Variants in PAX7 observed in about 807,000 individuals in gnomAD.
PAX7 encodes paired box 7.
Under a neutral mutation model 50.7 loss-of-function variants are expected in PAX7, and 18 were observed. That is an observed-to-expected ratio of 0.36 (90% CI 0.25 to 0.53). The LOEUF (loss-of-function observed/expected upper bound fraction) is 0.53, where lower values mean the gene tolerates loss of function less well. Among genes scored for constraint, PAX7 ranks in the 20% least tolerant of loss-of-function variants. The pLI is 0.93. For synonymous variants in PAX7, 310 were observed against 290.4 expected, an observed-to-expected ratio of 1.07 and a Z score of -0.69; for missense variants, 644 against 702.9, an observed-to-expected ratio of 0.92 and a Z score of 0.95.
intron 3 of PAX7, among the ~76,000 whole-genome samples, chr1:18,635,685 A>C (rs1369423198): frequency 5.3e-5 from 8 of 152,066 alleles, no homozygotes; most frequent in Non-Finnish European, 1.0e-4. Context: ...GTGGATGCCC[A>C]TGGGCTTCCC....
chr1:18,710,056 G>A (rs1418827895), intron 7 of PAX7, among the ~76,000 whole-genome samples: 1 of 152,206 alleles, frequency 6.6e-6, no homozygotes, highest in Non-Finnish European at 1.5e-5. Context: ...AGGCCTCTGG[G>A]CAGCCAGTTC....
chr1:18,682,599 C>T (rs890194333), intron 4 of PAX7, among the ~76,000 whole-genome samples: 1 of 152,154 alleles, frequency 6.6e-6, no homozygotes, highest in Non-Finnish European at 1.5e-5. Flanking sequence ...ACATTAGAAT[C>T]CCACCCTGCC....
chr1:18,666,044 C>T (rs1004740940), intron 4 of PAX7, among the ~76,000 whole-genome samples: 1 of 152,126 alleles, frequency 6.6e-6, no homozygotes, highest in Non-Finnish European at 1.5e-5. Context: ...CATTGTGGCT[C>T]CAGCCTGTAA....
chr1:18,709,600 A>C (rs932419566), intron 7 of PAX7, among the ~76,000 whole-genome samples: 10 of 152,162 alleles, frequency 6.6e-5, no homozygotes, highest in Admixed American at 3.9e-4. Flanking sequence ...TGCTGACCCC[A>C]CTTGCCCTCC....
chr1:18,688,215 T>G (rs1215130786), intron 4 of PAX7, among the ~76,000 whole-genome samples: 1 of 152,202 alleles, frequency 6.6e-6, no homozygotes. Context: ...TGAGTATCAT[T>G]TCCTGTAAAT....
chr1:18,705,901 G>A (rs1424584101), intron 7 of PAX7, among the ~76,000 whole-genome samples: 1 of 152,230 alleles, frequency 6.6e-6, no homozygotes, highest in East Asian at 1.9e-4. Flanking sequence ...CATCAAAGGT[G>A]TGAAGACAGA....
At chr1:18,744,296 A>G (rs12068377) in intron 8 of PAX7, among the ~76,000 whole-genome samples, 2,019 of 152,298 alleles carry the variant, frequency 0.013, 42 homozygotes, top group African/African-American at 0.046. Flanking sequence ...TTCTTTGCTC[A>G]GCAATGTGGG....
intron 7 of PAX7, among the ~76,000 whole-genome samples, chr1:18,708,507 A>C (rs1023422436): frequency 2.0e-5 from 3 of 152,106 alleles, no homozygotes; most frequent in Non-Finnish European, 4.4e-5. Flanking sequence ...GTGAGCTGTG[A>C]TTGTGCCACT....
At chr1:18,650,383 G>C (rs2088412761) in intron 4 of PAX7, among the ~76,000 whole-genome samples, 1 of 152,234 alleles carries the variant, frequency 6.6e-6, no homozygotes, top group Non-Finnish European at 1.5e-5. Flanking sequence ...CCAGAAAGCA[G>C]TTACACACTC....
intron 5 of PAX7, among the ~76,000 whole-genome samples, chr1:18,692,635 T>C (rs2089089546): frequency 6.6e-6 from 1 of 152,216 alleles, no homozygotes; most frequent in Non-Finnish European, 1.5e-5. Context: ...AAATCTCTGA[T>C]GAGCAGAGGA....
rs1400553546 is a variant in PAX7, at chr1:18,634,914, G to T, written c.322-197G>T. Reference sequence around the variant, plus strand: ...TCCATGTCCCACCCCACCCCACCTGGCCAGACCCCCAGCTGCCTTCCTGGG... The same window carrying T: ...TCCATGTCCCACCCCACCCCACCTGTCCAGACCCCCAGCTGCCTTCCTGGG... On this transcript the variant is annotated intron_variant, in intron 2 of 8. Coordinates refer to ENST00000420770, the MANE Select transcript of PAX7 (RefSeq NM_001135254.2). The surrounding 1 kb of genome is among the most constrained non-coding windows in gnomAD (Gnocchi z 4.0). 6.6e-6 allele frequency among the ~76,000 whole-genome samples: 1 copy of T among 152,054 alleles called. No individual in the cohort carries two copies. Among genetic ancestry groups the T allele is most frequent in the Non-Finnish European group, 1.5e-5 (1 of 68,002 alleles).
In PAX7 at chr1:18,631,717, G is replaced by C. The variant is rs1273404305; in HGVS notation, c.85+29G>C. 6 of 1,575,118 alleles carry C rather than the reference G, an allele frequency of 3.8e-6. No homozygotes were observed. The African/African-American group carries it at 5.4e-5, about 14-fold the overall frequency. On this transcript the variant is annotated intron_variant, in intron 1 of 8. Coordinates refer to ENST00000420770, the MANE Select transcript of PAX7 (RefSeq NM_001135254.2). Reference sequence around the variant, plus strand: ...AGAACGCCCAGGCTGGCCTCGCCGCGACTCCGCCGCCCGGAACTCGGGGTC... The same window carrying C: ...AGAACGCCCAGGCTGGCCTCGCCGCCACTCCGCCGCCCGGAACTCGGGGTC...
At chr1:18,657,705 T>G (rs1292529135) in intron 4 of PAX7, among the ~76,000 whole-genome samples, 2 of 152,156 alleles carry the variant, frequency 1.3e-5, no homozygotes, top group Non-Finnish European at 1.5e-5. Context: ...GATCTGCGAC[T>G]GCAGTGGTGG....
At chr1:18,676,506 G>T (rs925858209) in intron 4 of PAX7, among the ~76,000 whole-genome samples, 4 of 150,916 alleles carry the variant, frequency 2.7e-5, no homozygotes, top group Non-Finnish European at 5.9e-5. Context: ...GGGGAGGGGA[G>T]GGGAGGGGAA....
intron 4 of PAX7, among the ~76,000 whole-genome samples, chr1:18,666,544 C>T (rs780699711): frequency 2.6e-5 from 4 of 152,190 alleles, no homozygotes; most frequent in Admixed American, 6.5e-5. Context: ...TAAGGGCCTG[C>T]GGTCAGCTTT....
intron 7 of PAX7, among the ~76,000 whole-genome samples, chr1:18,714,104 G>A (rs1032749778): frequency 5.9e-5 from 9 of 152,056 alleles, no homozygotes; most frequent in Admixed American, 3.9e-4. Flanking sequence ...CCAGCTACTC[G>A]GCTGAGGCAG....
At chr1:18,707,300 T>A (rs1365308965) in intron 7 of PAX7, among the ~76,000 whole-genome samples, 2 of 152,170 alleles carry the variant, frequency 1.3e-5, no homozygotes, top group Non-Finnish European at 2.9e-5. Flanking sequence ...GACTTTCAGA[T>A]CCTGCTCTGG....
At chr1:18,712,009 C>A (rs2089357510) in intron 7 of PAX7, among the ~76,000 whole-genome samples, 1 of 152,216 alleles carries the variant, frequency 6.6e-6, no homozygotes, top group South Asian at 2.1e-4. Flanking sequence ...GGCTGCCCGT[C>A]CACTCTGCTC....
chr1:18,644,221 C>G (rs1297690697), intron 4 of PAX7, among the ~76,000 whole-genome samples: 1 of 152,218 alleles, frequency 6.6e-6, no homozygotes, highest in Non-Finnish European at 1.5e-5. Context: ...CCATCCCCTC[C>G]TCCGACCGCC....
Sources: gnomAD v4.1 joint callset for allele counts (sites outside exome capture counted in the v4.1 genomes callset) on GRCh38, gnomAD v4.1.1 for gene constraint, Gnocchi (gnomAD v3.1) non-coding constraint, MANE v1.5 for transcripts, NCBI Gene and HGNC (gene_info 2026-07-23, HGNC 2026-07-21) for gene names.